Variants in EXOC3L2 observed in about 807,000 individuals in gnomAD.
The protein encoded by EXOC3L2 is exocyst complex component 3-like protein 2.
Under a neutral mutation model 44.4 loss-of-function variants are expected in EXOC3L2, and 17 were observed. The ratio of observed to expected loss-of-function variants is 0.38; its 90% CI spans 0.26 to 0.57. The LOEUF (loss-of-function observed/expected upper bound fraction) is 0.57, where lower values mean the gene tolerates loss of function less well. EXOC3L2 is among the 20% of genes least tolerant of loss of function. The probability of loss-of-function intolerance (pLI) is 0.65; values close to 1 mark genes in which losing one functional copy is unlikely to be tolerated. For missense variants in EXOC3L2, 541 were observed against 588.4 expected (o/e 0.92, Z 0.83); for synonymous variants, 256 against 253.7 (o/e 1.01, Z -0.09).
chr19:45,228,915 C>T (rs1166457711), intron 4 of EXOC3L2, among the ~76,000 whole-genome samples: 1 of 145,474 alleles, frequency 6.9e-6, no homozygotes, highest in East Asian at 2.1e-4. Context: ...ACTAAAAATA[C>T]AAAAAATTAG....
At chr19:45,241,328 A>C (rs537415719) in intron 1 of EXOC3L2, among the ~76,000 whole-genome samples, 9 of 152,040 alleles carry the variant, frequency 5.9e-5, no homozygotes, top group African/African-American at 2.2e-4. Context: ...AATACAAAAA[A>C]TTAGCTGGGT....
intron 4 of EXOC3L2, 78 bp downstream of exon 4, chr19:45,231,685 G>C: frequency 8.1e-7 from 1 of 1,239,518 alleles, no homozygotes; most frequent in Non-Finnish European, 1.2e-6. Context: ...AAAGGTGGAG[G>C]GGACAGGCTT....
chr19:45,220,886 G>T (rs766290023), intron 8 of EXOC3L2, among the ~76,000 whole-genome samples: 6 of 151,954 alleles, frequency 3.9e-5, no homozygotes, highest in Admixed American at 2.0e-4. Context: ...GGGGATGAAA[G>T]GGGGTGAGGA....
intron 3 of EXOC3L2, 116 bp from the exon 4 acceptor site, chr19:45,231,990 C>T (rs1030691401): frequency 1.9e-6 from 1 of 534,586 alleles, no homozygotes; most frequent in Non-Finnish European, 3.2e-6. Flanking sequence ...CCCTTCCTCT[C>T]TCTAAGTCAT....
intron 8 of EXOC3L2, among the ~76,000 whole-genome samples, chr19:45,222,845 G>C (rs564908414): frequency 9.0e-4 from 137 of 152,292 alleles, no homozygotes; most frequent in Non-Finnish European, 1.7e-3. Context: ...CCTGTAAAAT[G>C]AATCTACAAC....
chr19:45,243,786 C>G (rs551153075), intron 1 of EXOC3L2, among the ~76,000 whole-genome samples: 1 of 152,120 alleles, frequency 6.6e-6, no homozygotes, highest in Non-Finnish European at 1.5e-5. Context: ...CCCACCACCA[C>G]GCCTGGCTAA....
At chr19:45,227,951 C>A in intron 6 of EXOC3L2, 23 bp downstream of exon 6, 1 of 1,610,172 alleles carries the variant, frequency 6.2e-7, no homozygotes, top group Non-Finnish European at 8.5e-7. Context: ...GCAGAGCTAA[C>A]CTGTGCTCCC....
intron 7 of EXOC3L2, 125 bp downstream of exon 7, chr19:45,227,537 C>T (rs141492594): frequency 0.015 from 10,467 of 693,164 alleles, 111 homozygotes; most frequent in South Asian, 0.028. Flanking sequence ...AGATTTTATG[C>T]GTCTAAGGTC....
intron 9 of EXOC3L2, 149 bp from the exon 10 acceptor site, chr19:45,217,832 G>T: frequency 1.0e-6 from 1 of 981,392 alleles, no homozygotes; most frequent in Non-Finnish European, 1.4e-6. Context: ...CCAGTCCCCA[G>T]CCCCTGAGCT....
chr19:45,221,211 GT>G (rs572032786), intron 8 of EXOC3L2, among the ~76,000 whole-genome samples: 44 of 114,218 alleles, frequency 3.9e-4, no homozygotes, highest in East Asian at 7.5e-4. Flanking sequence ...TTTTTTTGTG[GT>G]TTTTTTTTTT....
intron 11 of EXOC3L2, among the ~76,000 whole-genome samples, 174 bp downstream of exon 11, chr19:45,215,899 G>A (rs114400517): frequency 0.011 from 1,719 of 152,316 alleles, 35 homozygotes; most frequent in African/African-American, 0.04. Flanking sequence ...AGCAGCGGCG[G>A]CAGGAGAAGG....
In EXOC3L2 at chr19:45,228,225, G is replaced by A. The variant is rs187345620; in HGVS notation, c.1311C>T (p.Asp437=). Reference sequence around the variant, plus strand: ...CCTCCAGGCTCCCCCAGTGCTCTTCGTCCTCCTGCAGCACACGGAGAAGGG... The same window carrying A: ...CCTCCAGGCTCCCCCAGTGCTCTTCATCCTCCTGCAGCACACGGAGAAGGG... The part of the protein sequence containing the change: ...RAALLRVLQE[D]EEHWGSLEDQ... Residue 437 remains aspartate (D), a synonymous_variant, in exon 5 of 12, where the codon GAC becomes GAT. Transcript: ENST00000413988. The A allele has an allele frequency of 7.7e-5, 125 of 1,614,058 alleles. No homozygotes were observed. The East Asian group carries it at 2.1e-3, about 27-fold the overall frequency.
chr19:45,221,137 C>T (rs1028680090), intron 8 of EXOC3L2, among the ~76,000 whole-genome samples: 8 of 151,930 alleles, frequency 5.3e-5, no homozygotes, highest in South Asian at 2.1e-4. Flanking sequence ...GCGTCTAATT[C>T]CCTCTTCAGC....
In EXOC3L2 at chr19:45,234,425, G is replaced by A. The variant is rs947079257; in HGVS notation, c.925C>T (p.Pro309Ser). The A allele has an allele frequency of 6.9e-6, 2 of 288,162 alleles. No homozygotes were observed. The highest frequency in any genetic ancestry group is 1.3e-5 in the Non-Finnish European group (2 of 154,880). 17.9% of individuals were successfully genotyped at this position (288,162 alleles called of 1,614,324 possible). Residue 309 changes from proline to serine, a missense_variant, in exon 3 of 12, where the codon CCC becomes TCC. Transcript: ENST00000413988. The surrounding 1 kb of genome is among the most constrained non-coding windows in gnomAD (Gnocchi z 5.0). ...TCCAGCTGCCCGGCCAGGCCCCCGG[G>A]CGCCCCGGGAGCCGCTGCCTCTAGG... is the stretch of plus-strand genomic sequence containing the variant. ...ERLEAAAPGA[P>S]GGLAGQLEAL...
rs1969794534 is a variant in EXOC3L2, at chr19:45,213,124, G to A, written c.2354C>T (p.Ala785Val). Reference protein sequence around the residue: ...PLSRLARPSLACLPRPRPPSL... With the variant: ...PLSRLARPSLVCLPRPRPPSL... ...CGGAGGCCGGGGCCGAGGCAGACAG[G>A]CCAAACTGGGCCTGGCCAGCCGGGA... Residue 785 changes from alanine to valine, a missense_variant, in exon 12 of 12, where the codon GCC (alanine) becomes GTC (valine). Transcript: ENST00000413988. 6.4e-7 allele frequency: 1 copy of A among 1,568,540 alleles called. No homozygotes were observed. The highest frequency in any genetic ancestry group is 2.0e-5 in the Admixed American group (1 of 49,600).
chr19:45,227,753 G>T lies in EXOC3L2; in HGVS notation c.1492C>A (p.Arg498=). 6.2e-7 allele frequency: 1 copy of T among 1,612,218 alleles called. No individual in the cohort carries two copies. Among genetic ancestry groups the T allele is most frequent in the Non-Finnish European group, 8.5e-7 (1 of 1,179,598 alleles). The part of the protein sequence containing the change: ...FLQSFQQRVE[R]FHENPAVREM... ...CGGACTGCTGGGTTCTCATGGAATC[G>T]CTCCACACGCTGCTGGAAGCTGGTG... The change falls in exon 7 of 12, where the codon CGA becomes AGA. Residue 498 remains arginine, a synonymous_variant. Transcript: ENST00000413988.
At chr19:45,228,315 G>T (rs1344417512) in intron 4 of EXOC3L2, 49 bp from the exon 5 acceptor site, 7 of 1,550,656 alleles carry the variant, frequency 4.5e-6, no homozygotes, top group African/African-American at 1.4e-5. Flanking sequence ...CGGCCTGGAG[G>T]TCTTTTTTTT....
intron 11 of EXOC3L2, among the ~76,000 whole-genome samples, chr19:45,215,277 C>A (rs1425776227): frequency 3.3e-5 from 5 of 152,096 alleles, no homozygotes; most frequent in Non-Finnish European, 7.4e-5. Context: ...TCGAGACCAG[C>A]CTGGGCAACA....
chr19:45,227,294 G>A (rs1484654427), intron 7 of EXOC3L2, among the ~76,000 whole-genome samples: 1 of 147,150 alleles, frequency 6.8e-6, no homozygotes. Context: ...ATTTTTTTTT[G>A]TATTTTTTAG....
Sources: gnomAD v4.1 joint callset for allele counts (sites outside exome capture counted in the v4.1 genomes callset) on GRCh38, gnomAD v4.1.1 for gene constraint, Gnocchi (gnomAD v3.1) non-coding constraint, MANE v1.5 for transcripts, NCBI Gene and HGNC (gene_info 2026-07-23, HGNC 2026-07-21) for gene names.